PDE10A: variants seen among roughly 807,000 people sequenced by gnomAD.
PDE10A encodes phosphodiesterase 10A.
In PDE10A, 39 loss-of-function variants were observed where a neutral mutation model predicts 97.7. The observed-to-expected ratio is 0.40, with a 90% CI of 0.31 to 0.52. The LOEUF is 0.52. PDE10A is among the 20% of genes least tolerant of loss of function. PDE10A has a pLI of 0.56. For synonymous variants in PDE10A, 371 were observed against 376.8 expected (o/e 0.98, Z 0.18); for missense variants, 731 against 1,047.8 (o/e 0.70, Z 4.17).
chr6:165,454,398 T>C (rs890519615), intron 3 of PDE10A, among the ~76,000 whole-genome samples: 3 of 152,194 alleles, frequency 2.0e-5, no homozygotes, highest in African/African-American at 2.4e-5. Context: ...GGTTTAAATG[T>C]ACCTCCCAAA....
At chr6:165,891,685 TGTC>T (rs1307382188) in intron 1 of PDE10A, among the ~76,000 whole-genome samples, 2 of 149,768 alleles carry the variant, frequency 1.3e-5, no homozygotes, top group Admixed American at 1.3e-4. Context: ...AGTGCAGTGT[TGTC>T]GTTATTGTTA....
At chr6:165,377,853 A>T (rs1348969723) in intron 18 of PDE10A, among the ~76,000 whole-genome samples, 2 of 152,218 alleles carry the variant, frequency 1.3e-5, no homozygotes, top group Non-Finnish European at 2.9e-5. Context: ...GAAAAGAAAG[A>T]CATGCTAGAA....
At chr6:165,653,367 G>A (rs763753358) in intron 1 of PDE10A, among the ~76,000 whole-genome samples, 7 of 152,206 alleles carry the variant, frequency 4.6e-5, no homozygotes, top group Admixed American at 6.5e-5. Flanking sequence ...TGGAAGCACG[G>A]ATGAGCGGAC....
intron 1 of PDE10A, among the ~76,000 whole-genome samples, chr6:165,797,019 T>C (rs1306041189): frequency 6.6e-6 from 1 of 152,234 alleles, no homozygotes; most frequent in Non-Finnish European, 1.5e-5. Context: ...CTGGAATACT[T>C]TGAGAGTGAA....
chr6:165,983,164 C>T (rs149435216), intron 1 of PDE10A, among the ~76,000 whole-genome samples: 9 of 152,246 alleles, frequency 5.9e-5, no homozygotes, highest in African/African-American at 2.2e-4. Flanking sequence ...TGTACTTCAT[C>T]TTTCCTTTTG....
chr6:165,661,925 G>A lies in PDE10A; in HGVS notation c.865+22C>T, dbSNP rs1332008098. 10 of 878,350 alleles carry A rather than the reference G, an allele frequency of 1.1e-5. No individual in the cohort carries two copies. Among genetic ancestry groups the A allele is most frequent in the South Asian group, 2.9e-5 (2 of 68,632 alleles). The allele number at this position is 878,350 out of a possible 1,614,324, so 54.4% of individuals were successfully genotyped here. ...GATGAGGAGCCGCCCCACCTCCGGG[G>A]AACGGGGAGCAGGCCACTTACTGGG... is the stretch of plus-strand genomic sequence containing the variant. On this transcript the variant is annotated intron_variant, in intron 1 of 21. Transcript: ENST00000539869. The surrounding 1 kb of genome is among the most constrained non-coding windows in gnomAD (Gnocchi z 4.8).
chr6:165,810,365 G>A (rs972817906), intron 1 of PDE10A, among the ~76,000 whole-genome samples: 1 of 152,114 alleles, frequency 6.6e-6, no homozygotes, highest in African/African-American at 2.4e-5. Flanking sequence ...TCTTCTGCAG[G>A]AGAAAAACAG....
chr6:165,390,539 A>T (rs1785632422), intron 16 of PDE10A, among the ~76,000 whole-genome samples: 1 of 151,518 alleles, frequency 6.6e-6, no homozygotes, highest in African/African-American at 2.5e-5. Context: ...TCCAGAAAAG[A>T]GGGGTGAAAG....
At chr6:165,727,018 C>T (rs1792316043) in intron 1 of PDE10A, among the ~76,000 whole-genome samples, 1 of 148,242 alleles carries the variant, frequency 6.7e-6, no homozygotes, top group Non-Finnish European at 1.5e-5. Context: ...GTGGGGGGTT[C>T]CCCTGGGACC....
chr6:165,690,887 A>G (rs1248942284), intron 1 of PDE10A, among the ~76,000 whole-genome samples: 1 of 152,146 alleles, frequency 6.6e-6, no homozygotes, highest in African/African-American at 2.4e-5. Context: ...TTGACTCTGT[A>G]GATTGAGTAA....
intron 1 of PDE10A, among the ~76,000 whole-genome samples, chr6:165,698,253 C>A (rs1582950157): frequency 6.6e-6 from 1 of 152,164 alleles, no homozygotes; most frequent in East Asian, 1.9e-4. Context: ...AAAAGCAGGA[C>A]CTCCTTGACT....
chr6:165,902,335 G>A (rs770150891), intron 1 of PDE10A, among the ~76,000 whole-genome samples: 59 of 152,334 alleles, frequency 3.9e-4, no homozygotes, highest in Admixed American at 5.2e-4. Context: ...ATGAGCAAGC[G>A]GCAAGCCGGC....
At chr6:165,571,349 T>C (rs1194029472) in intron 1 of PDE10A, among the ~76,000 whole-genome samples, 1 of 152,212 alleles carries the variant, frequency 6.6e-6, no homozygotes, top group Non-Finnish European at 1.5e-5. Flanking sequence ...GAAATTCTGT[T>C]GGGAAACCTA....
intron 3 of PDE10A, among the ~76,000 whole-genome samples, chr6:165,459,538 C>G (rs867274206): frequency 8.0e-6 from 1 of 125,266 alleles, no homozygotes; most frequent in Non-Finnish European, 1.6e-5. Flanking sequence ...GACAGACAGA[C>G]AGACAGACAG....
chr6:165,396,297 T>C lies in PDE10A; in HGVS notation c.2219+20A>G. 6.2e-7 allele frequency: 1 copy of C among 1,605,560 alleles called. No individual in the cohort carries two copies. The highest frequency in any genetic ancestry group is 1.1e-5 in the South Asian group (1 of 89,126). Reference sequence around the variant, plus strand: ...AATTAAAAATGGTTCCTGAAGAAACTGACAGAGCAACATACTTACAATTCA... The same window carrying C: ...AATTAAAAATGGTTCCTGAAGAAACCGACAGAGCAACATACTTACAATTCA... On this transcript the variant is annotated intron_variant, in intron 14 of 21. Transcript: ENST00000539869.
chr6:165,776,996 C>T (rs59154205), intron 1 of PDE10A, among the ~76,000 whole-genome samples: 57,007 of 152,050 alleles, frequency 0.37, 10,819 homozygotes, highest in Admixed American at 0.45. Flanking sequence ...GTCCCTCTTT[C>T]TCTTCACTTT....
At chr6:165,481,741 C>CTTAACG in intron 3 of PDE10A, among the ~76,000 whole-genome samples, 1 of 151,342 alleles carries the variant, frequency 6.6e-6, no homozygotes, top group East Asian at 2.0e-4. Context: ...TGCTAAGACT[C>CTTAACG]TTAACTAGGC....
intron 21 of PDE10A, among the ~76,000 whole-genome samples, chr6:165,334,745 A>T (rs1781548349): frequency 6.6e-6 from 1 of 152,158 alleles, no homozygotes; most frequent in South Asian, 2.1e-4. Flanking sequence ...CCAGGGATTA[A>T]GGTCAATTAA....
At chr6:165,484,981 A>G (rs972731641) in intron 2 of PDE10A, among the ~76,000 whole-genome samples, 1 of 152,202 alleles carries the variant, frequency 6.6e-6, no homozygotes, top group African/African-American at 2.4e-5. Flanking sequence ...ATGAGAAAGC[A>G]GAAGACTCCA....
Sources: allele counts gnomAD v4.1 joint callset (sites outside exome capture counted in the v4.1 genomes callset), GRCh38; gene constraint gnomAD v4.1.1; non-coding constraint Gnocchi (gnomAD v3.1); transcripts MANE v1.5; gene names NCBI Gene and HGNC (gene_info 2026-07-23, HGNC 2026-07-21).